The following RAPGEF6 variants were observed in gnomAD, a reference collection of about 807,000 sequenced individuals.
RAPGEF6 encodes the protein Rap guanine nucleotide exchange factor 6, also known as PDZ domain containing guanine nucleotide exchange factor (GEF) 2.
RAPGEF6 carries 56 observed loss-of-function variants against 171.4 expected under a neutral mutation model. That is an observed-to-expected ratio of 0.33 (90% confidence interval 0.26 to 0.41). RAPGEF6 has a LOEUF of 0.41. RAPGEF6 is among the 10% of genes least tolerant of loss of function. RAPGEF6 has a pLI of 1.00. For synonymous variants in RAPGEF6, 692 were observed against 650.1 expected, an observed-to-expected ratio of 1.06 and a Z score of -0.98; for missense variants, 1,674 against 1,921.4, an observed-to-expected ratio of 0.87 and a Z score of 2.41.
intron 5 of RAPGEF6, among the ~76,000 whole-genome samples, chr5:131,554,994 A>G (rs1561558702): frequency 6.6e-6 from 1 of 152,210 alleles, no homozygotes; most frequent in African/African-American, 2.4e-5. Flanking sequence ...TGGTGAAAGT[A>G]AATTCAAACC....
intron 5 of RAPGEF6, among the ~76,000 whole-genome samples, chr5:131,552,184 C>T (rs1760962809): frequency 6.6e-6 from 1 of 151,762 alleles, no homozygotes; most frequent in Non-Finnish European, 1.5e-5. Flanking sequence ...ACTCATAAAG[C>T]TCATCCCAAA....
chr5:131,511,072 A>G (rs1486876424), intron 7 of RAPGEF6, among the ~76,000 whole-genome samples: 3 of 152,238 alleles, frequency 2.0e-5, no homozygotes, highest in Non-Finnish European at 4.4e-5. Context: ...TGTAGGATCT[A>G]AAAGTGTGCA....
At chr5:131,631,218 T>C (rs1374430851) in intron 1 of RAPGEF6, among the ~76,000 whole-genome samples, 1 of 152,238 alleles carries the variant, frequency 6.6e-6, no homozygotes. Context: ...GGCTTCTTAG[T>C]AATACAAATT....
chr5:131,481,453 C>G (rs576158942), intron 15 of RAPGEF6, among the ~76,000 whole-genome samples: 6 of 151,226 alleles, frequency 4.0e-5, no homozygotes, highest in Non-Finnish European at 7.4e-5. Context: ...TGACCTCGAA[C>G]TTCTAGGCTC....
At chr5:131,444,296 C>A (rs935976964) in intron 22 of RAPGEF6, among the ~76,000 whole-genome samples, 1 of 152,116 alleles carries the variant, frequency 6.6e-6, no homozygotes, top group Non-Finnish European at 1.5e-5. Context: ...CTAATTGAAT[C>A]CAAGAGGTTA....
At chr5:131,537,009 G>T (rs1005247695) in intron 6 of RAPGEF6, among the ~76,000 whole-genome samples, 9 of 152,092 alleles carry the variant, frequency 5.9e-5, no homozygotes, top group African/African-American at 2.2e-4. Context: ...ACACAAGATA[G>T]CACACTTAAT....
chr5:131,445,493 C>CTGTGTGTGAGTGTGTGTG, intron 22 of RAPGEF6, among the ~76,000 whole-genome samples: 1 of 147,224 alleles, frequency 6.8e-6, no homozygotes, highest in African/African-American at 2.5e-5. Context: ...AACTCACTCT[C>CTGTGTGTGAGTGTGTGTG]TGTGTGTGTG....
intron 16 of RAPGEF6, among the ~76,000 whole-genome samples, chr5:131,476,050 G>T (rs1042294678): frequency 2.0e-5 from 3 of 152,140 alleles, no homozygotes; most frequent in African/African-American, 7.2e-5. Flanking sequence ...AGAAAGCAGA[G>T]AAGGAAGGGA....
chr5:131,521,875 ACACACACACACACACACT>A (rs1434161332), intron 6 of RAPGEF6, among the ~76,000 whole-genome samples: 26 of 124,524 alleles, frequency 2.1e-4, no homozygotes, highest in African/African-American at 7.2e-4. Context: ...ACACACACAC[ACACACACACACACACACT>A]CTCTCTCTCT....
chr5:131,466,985 G>A (rs1754398291), intron 17 of RAPGEF6, among the ~76,000 whole-genome samples: 1 of 152,076 alleles, frequency 6.6e-6, no homozygotes, highest in South Asian at 2.1e-4. Context: ...AGCTGTCCTG[G>A]GCTCCAGAAT....
rs1751672409 is a variant in RAPGEF6, at chr5:131,431,088, G to A, written c.4236C>T (p.Ser1412=). The A allele has an allele frequency of 6.8e-6, 11 of 1,614,224 alleles. No homozygotes were observed. The highest frequency in any genetic ancestry group is 8.5e-6 in the Non-Finnish European group (10 of 1,180,034). Residue 1412 remains serine (S), a synonymous_variant, in exon 26 of 28, where the codon TCC becomes TCT. Coordinates refer to ENST00000509018, the MANE Select transcript of RAPGEF6 (RefSeq NM_016340.6). The part of the protein sequence containing the change: ...EVEPTDSEPY[S]CSKSCSRTCG... ...AAGTTCTAGAGCAGCTTTTAGAACA[G>A]GAATAGGGCTCAGAGTCAGTGGGTT... is the stretch of plus-strand genomic sequence containing the variant.
intron 11 of RAPGEF6, among the ~76,000 whole-genome samples, chr5:131,499,581 C>CAAAA (rs375534138): frequency 3.8e-4 from 33 of 87,450 alleles, no homozygotes; most frequent in African/African-American, 9.5e-4. Context: ...GACTTTGTCT[C>CAAAA]AAAAAAAAAA....
intron 24 of RAPGEF6, among the ~76,000 whole-genome samples, chr5:131,438,850 T>C (rs1417919174): frequency 6.6e-6 from 1 of 152,248 alleles, no homozygotes. Context: ...GGTAATACTC[T>C]GTTACTAAAA....
chr5:131,547,949 G>T (rs529724782), intron 6 of RAPGEF6, 98 bp downstream of exon 6: 2 of 1,328,010 alleles, frequency 1.5e-6, no homozygotes, highest in Non-Finnish European at 2.1e-6. Context: ...TTCACATACA[G>T]AGCCCAGCAT....
chr5:131,448,192 AG>A (rs558249464), intron 21 of RAPGEF6, among the ~76,000 whole-genome samples: 175 of 152,336 alleles, frequency 1.1e-3, no homozygotes, highest in African/African-American at 4.2e-3. Context: ...ATGGGGAAGG[AG>A]GGTTCTGGAA....
chr5:131,634,184 T>C (rs1766487778), intron 1 of RAPGEF6, among the ~76,000 whole-genome samples: 1 of 151,288 alleles, frequency 6.6e-6, no homozygotes, highest in African/African-American at 2.5e-5. Flanking sequence ...ACTCACACTG[T>C]TTAGTGTTTT....
At chr5:131,465,383 T>A (rs2149838907) in intron 17 of RAPGEF6, among the ~76,000 whole-genome samples, 1 of 152,284 alleles carries the variant, frequency 6.6e-6, no homozygotes, top group East Asian at 1.9e-4. Flanking sequence ...TAAGCTAATA[T>A]TTAATATAAT....
chr5:131,504,199 C>G (rs1048550915), intron 11 of RAPGEF6, among the ~76,000 whole-genome samples: 6 of 152,186 alleles, frequency 3.9e-5, no homozygotes, highest in Admixed American at 2.0e-4. Context: ...CATGGTGGCT[C>G]AAACCTGTAA....
At chr5:131,444,458 C>T (rs768658164) in intron 22 of RAPGEF6, among the ~76,000 whole-genome samples, 1 of 152,138 alleles carries the variant, frequency 6.6e-6, no homozygotes, top group Non-Finnish European at 1.5e-5. Context: ...ATGACAAAAA[C>T]CACATATATT....
Sources: gnomAD v4.1 joint callset for allele counts (sites outside exome capture counted in the v4.1 genomes callset) on GRCh38, gnomAD v4.1.1 for gene constraint, MANE v1.5 for transcripts, NCBI Gene and HGNC (gene_info 2026-07-23, HGNC 2026-07-21) for gene names.